The following PHACTR1 variants were observed in gnomAD, a reference collection of about 807,000 sequenced individuals.
PHACTR1 encodes phosphatase and actin regulator 1.
In PHACTR1, 16 loss-of-function variants were observed where a neutral mutation model predicts 69.2. The observed-to-expected ratio is 0.23, with a 90% CI of 0.16 to 0.35. PHACTR1 has a LOEUF of 0.35. PHACTR1 is among the 10% of genes least tolerant of loss of function. The pLI is 1.00. For synonymous variants in PHACTR1, 312 were observed against 284.5 expected (o/e 1.10, Z -0.97); for missense variants, 510 against 734.7 (o/e 0.69, Z 3.54).
At chr6:13,106,222 T>C (rs1816110193) in intron 5 of PHACTR1, among the ~76,000 whole-genome samples, 1 of 152,226 alleles carries the variant, frequency 6.6e-6, no homozygotes, top group Non-Finnish European at 1.5e-5. Context: ...TAAACAATCA[T>C]ATTGCCTGCA....
chr6:13,021,526 TTATG>T (rs1016575519), intron 4 of PHACTR1, among the ~76,000 whole-genome samples: 14 of 152,226 alleles, frequency 9.2e-5, no homozygotes, highest in African/African-American at 3.1e-4. Flanking sequence ...TTCATCTCTC[TTATG>T]TATGTACCTG....
intron 5 of PHACTR1, among the ~76,000 whole-genome samples, chr6:13,155,346 A>G (rs189102679): frequency 6.6e-6 from 1 of 152,096 alleles, no homozygotes. Flanking sequence ...CCACTATCTC[A>G]TCTCACTGCT....
intron 5 of PHACTR1, among the ~76,000 whole-genome samples, chr6:13,081,153 A>T (rs1451440305): frequency 1.3e-5 from 2 of 152,184 alleles, no homozygotes; most frequent in African/African-American, 4.8e-5. Context: ...ACAGTGGGTT[A>T]TAGTAGTAAT....
At chr6:12,823,013 T>G (rs1341529567) in intron 4 of PHACTR1, among the ~76,000 whole-genome samples, 2 of 152,152 alleles carry the variant, frequency 1.3e-5, no homozygotes, top group East Asian at 3.9e-4. Context: ...TTAATAGATT[T>G]ACTGAACAAT....
At chr6:12,806,321 A>C (rs1259575682) in intron 4 of PHACTR1, among the ~76,000 whole-genome samples, 1 of 152,204 alleles carries the variant, frequency 6.6e-6, no homozygotes, top group Non-Finnish European at 1.5e-5. Context: ...CTGGAAGAAA[A>C]CGTTCATTTC....
intron 4 of PHACTR1, among the ~76,000 whole-genome samples, chr6:13,001,236 A>T (rs1283778985): frequency 6.6e-6 from 1 of 152,244 alleles, no homozygotes; most frequent in African/African-American, 2.4e-5. Flanking sequence ...AGAGGTTGTT[A>T]CTTTAATTCA....
intron 4 of PHACTR1, among the ~76,000 whole-genome samples, chr6:13,004,107 A>G (rs1279683609): frequency 1.3e-5 from 2 of 150,840 alleles, no homozygotes; most frequent in African/African-American, 4.9e-5. Flanking sequence ...TTTTAATATA[A>G]TGATTTATTT....
intron 7 of PHACTR1, among the ~76,000 whole-genome samples, chr6:13,198,912 T>C (rs4715147): frequency 0.21 from 32,498 of 152,188 alleles, 4,218 homozygotes; most frequent in Non-Finnish European, 0.29. Flanking sequence ...CCTCTTTGCC[T>C]GATGAGAACT....
intron 5 of PHACTR1, 133 bp downstream of exon 5, chr6:13,053,662 CT>C: frequency 9.0e-7 from 1 of 1,113,096 alleles, no homozygotes; most frequent in Non-Finnish European, 1.2e-6. Flanking sequence ...TGGCTCTTGT[CT>C]TTAAAATTTT....
chr6:12,804,533 T>C (rs1373229902), intron 4 of PHACTR1, among the ~76,000 whole-genome samples: 1 of 152,214 alleles, frequency 6.6e-6, no homozygotes, highest in Non-Finnish European at 1.5e-5. Context: ...TTTTATTAAA[T>C]ATTATTTTAT....
chr6:13,194,681 G>C (rs1172393209), intron 7 of PHACTR1, among the ~76,000 whole-genome samples: 1 of 152,136 alleles, frequency 6.6e-6, no homozygotes, highest in African/African-American at 2.4e-5. Flanking sequence ...AACATGATAA[G>C]TATGTAAGGT....
intron 8 of PHACTR1, among the ~76,000 whole-genome samples, chr6:13,208,635 C>A (rs558830203): frequency 4.0e-5 from 6 of 149,434 alleles, no homozygotes; most frequent in Non-Finnish European, 7.4e-5. Context: ...CTGCCCACCC[C>A]CCCAACCCCA....
chr6:13,266,189 CCTG>C (rs1776675297), intron 10 of PHACTR1, among the ~76,000 whole-genome samples: 1 of 152,192 alleles, frequency 6.6e-6, no homozygotes, highest in East Asian at 1.9e-4. Context: ...ATCCTGTACA[CCTG>C]CTTCTTCCTG....
intron 6 of PHACTR1, among the ~76,000 whole-genome samples, chr6:13,177,363 C>T (rs9473602): frequency 0.029 from 3,294 of 112,272 alleles, 82 homozygotes; most frequent in East Asian, 0.14. Context: ...CTCTCTCTTG[C>T]GCTCTCTCTC....
At chr6:13,243,302 T>C (rs2127379299) in intron 10 of PHACTR1, among the ~76,000 whole-genome samples, 1 of 151,926 alleles carries the variant, frequency 6.6e-6, no homozygotes, top group South Asian at 2.1e-4. Flanking sequence ...TTATAACCAC[T>C]TATGAGCTTA....
chr6:12,954,945 G>C (rs1349139770), intron 4 of PHACTR1, among the ~76,000 whole-genome samples: 12 of 152,158 alleles, frequency 7.9e-5, no homozygotes, highest in Non-Finnish European at 1.8e-4. Context: ...TGGCTACTGG[G>C]CACTTGAAAT....
intron 4 of PHACTR1, among the ~76,000 whole-genome samples, chr6:12,753,964 A>AT (rs1240205147): frequency 5.6e-4 from 21 of 37,428 alleles, no homozygotes; most frequent in African/African-American, 3.3e-3. Context: ...ATATATATAT[A>AT]TATATATTTT....
chr6:13,143,001 A>T (rs1822738395), intron 5 of PHACTR1, among the ~76,000 whole-genome samples: 1 of 152,340 alleles, frequency 6.6e-6, no homozygotes, highest in South Asian at 2.1e-4. Flanking sequence ...TCTAGATAAT[A>T]TAAAAAGAGG....
intron 10 of PHACTR1, among the ~76,000 whole-genome samples, chr6:13,231,968 C>T (rs1163644214): frequency 6.6e-6 from 1 of 152,190 alleles, no homozygotes; most frequent in Non-Finnish European, 1.5e-5. Flanking sequence ...TTACTTTGTA[C>T]CAGACACTGT....
Sources: allele counts gnomAD v4.1 joint callset (sites outside exome capture counted in the v4.1 genomes callset), GRCh38; gene constraint gnomAD v4.1.1; transcripts MANE v1.5; gene names NCBI Gene and HGNC (gene_info 2026-07-23, HGNC 2026-07-21).